Variants in TOP3B observed in about 807,000 individuals in gnomAD.
The protein encoded by TOP3B is DNA topoisomerase 3-beta-1.
TOP3B carries 45 observed loss-of-function variants against 93.9 expected under a neutral mutation model. That is an observed-to-expected ratio of 0.48 (90% confidence interval 0.38 to 0.61). TOP3B has a LOEUF of 0.61. Among genes scored for constraint, TOP3B ranks in the 20% least tolerant of loss-of-function variants. TOP3B has a pLI of 0.00. For synonymous variants in TOP3B, 357 were observed against 472.6 expected (o/e 0.76, Z 3.17); for missense variants, 750 against 1,156.1 (o/e 0.65, Z 5.09).
chr22:21,960,660 C>G, intron 13 of TOP3B: 1 of 647,932 alleles, frequency 1.5e-6, no homozygotes, highest in Non-Finnish European at 2.6e-6. Context: ...ACAAGGGCAG[C>G]CCTCCCTGTA....
At chr22:21,979,941 C>CAAAAAAA (rs57880095) in intron 1 of TOP3B, among the ~76,000 whole-genome samples, 1 of 53,438 alleles carries the variant, frequency 1.9e-5, no homozygotes, top group Non-Finnish European at 3.5e-5. Flanking sequence ...ACTCCATCTC[C>CAAAAAAA]AAAAAAAAAA....
intron 14 of TOP3B, 140 bp from the exon 15 acceptor site, chr22:21,959,876 A>G: frequency 9.5e-6 from 11 of 1,159,746 alleles, no homozygotes; most frequent in South Asian, 3.1e-5. Flanking sequence ...CCACCAGTCC[A>G]CAGCCTCAGA....
intron 1 of TOP3B, among the ~76,000 whole-genome samples, chr22:21,978,232 C>T (rs1053586199): frequency 1.3e-5 from 2 of 151,006 alleles, no homozygotes; most frequent in Admixed American, 1.3e-4. Context: ...CCTGGGATGG[C>T]GGGACATGGG....
chr22:21,971,651 G>A lies in TOP3B; in HGVS notation c.384+226C>T, dbSNP rs1187543621. The stretch of plus-strand genomic sequence containing the variant: ...GGCCCCTCCTATGTTCACTCATACC[G>A]TTGAGGCCTCAGCAAGCGGAGGAAC... On this transcript the variant is annotated intron_variant, in intron 5 of 17. Coordinates refer to ENST00000357179, the MANE Select transcript of TOP3B (RefSeq NM_001282112.2). This position sits in a 1 kb window ranked among gnomAD's most constrained non-coding sequence, Gnocchi z 4.6. The A allele has an allele frequency of 1.7e-6, 1 of 591,480 alleles. No individual in the cohort carries two copies. Among genetic ancestry groups the A allele is most frequent in the Non-Finnish European group, 3.1e-6 (1 of 322,558 alleles). 36.6% of individuals were successfully genotyped at this position (591,480 alleles called of 1,614,324 possible). A position where few individuals can be genotyped will look rare whatever the true frequency, so the allele number is the denominator to read the frequency against.
chr22:21,957,310 A>G lies in TOP3B; in HGVS notation c.2393T>C (p.Met798Thr). Residue 798 changes from methionine (M) to threonine (T), a missense_variant, in exon 18 of 18, where the codon ATG becomes ACG. This residue lies in a region of TOP3B where 13 missense variants were observed against 58.8 expected (regional missense o/e 0.22). Coordinates refer to ENST00000357179, the MANE Select transcript of TOP3B (RefSeq NM_001282112.2). ...SPLPGDETQH[M>T]GCVFCDPVFQ... Reference sequence around the variant, plus strand: ...GACGGGGTCACAAAAGACGCAGCCCATGTGCTGCGTCTCATCGCCCGGGAG... The same window carrying G: ...GACGGGGTCACAAAAGACGCAGCCCGTGTGCTGCGTCTCATCGCCCGGGAG... 1 of 1,611,226 alleles carries G rather than the reference A, an allele frequency of 6.2e-7. No individual in the cohort carries two copies.
At chr22:21,958,177 G>A (rs2071005570) in intron 17 of TOP3B, 23 of 1,273,794 alleles carry the variant, frequency 1.8e-5, no homozygotes, top group Non-Finnish European at 2.1e-5. Context: ...GGGGGTGCCC[G>A]CTCACCGGGT....
chr22:21,980,688 G>C (rs2084610908), intron 1 of TOP3B, among the ~76,000 whole-genome samples: 1 of 152,236 alleles, frequency 6.6e-6, no homozygotes, highest in South Asian at 2.1e-4. Flanking sequence ...AGCTCCAGCT[G>C]CATCTCCCAA....
chr22:21,962,703 G>A, intron 12 of TOP3B, 44 bp downstream of exon 12: 1 of 1,611,878 alleles, frequency 6.2e-7, no homozygotes. Flanking sequence ...ATGTTTGTCT[G>A]CCCATGAAGG....
At chr22:21,981,312 T>C (rs142359826) in intron 1 of TOP3B, among the ~76,000 whole-genome samples, 1 of 152,302 alleles carries the variant, frequency 6.6e-6, no homozygotes, top group Non-Finnish European at 1.5e-5. Flanking sequence ...AGAGCTCCAG[T>C]GGCTGGACTT....
rs751658554 is a variant in TOP3B at position 21,963,916 on chromosome 22, G to A, written c.1204+7C>T. On this transcript the variant is annotated splice_region_variant and intron_variant, in intron 11 of 17. Coordinates refer to ENST00000357179, the MANE Select transcript of TOP3B (RefSeq NM_001282112.2). This position sits in a 1 kb window ranked among gnomAD's most constrained non-coding sequence, Gnocchi z 4.8. ...GAAGCACACCGGGTATGGGATGAGA[G>A]CGGTACCTAATTCGGCCTCTGTGGC... 5.0e-6 allele frequency: 8 copies of A among 1,613,134 alleles called. No homozygotes were observed. Among genetic ancestry groups the A allele is most frequent in the Non-Finnish European group, 5.9e-6 (7 of 1,179,768 alleles).
rs2071297028 is a variant in TOP3B at position 21,963,834 on chromosome 22, C to T, written c.1204+89G>A. ...GGGCAGGCAGAGGCTGAAGGAGCCC[C>T]CACATTGCCAACAGGGCCTGCAACC... is the stretch of plus-strand genomic sequence containing the variant. On this transcript the variant is annotated intron_variant, in intron 11 of 17. Transcript: ENST00000357179. This position sits in a 1 kb window ranked among gnomAD's most constrained non-coding sequence, Gnocchi z 4.8. The T allele has an allele frequency of 1.4e-6, 2 of 1,395,546 alleles. No individual in the cohort carries two copies. The highest frequency in any genetic ancestry group is 1.4e-5 in the African/African-American group (1 of 70,506). The allele number at this position is 1,395,546 out of a possible 1,614,324, so 86.4% of individuals were successfully genotyped here.
At chr22:21,960,050 G>A (rs1368007716) in intron 14 of TOP3B, 1 of 622,282 alleles carries the variant, frequency 1.6e-6, no homozygotes, top group African/African-American at 1.8e-5. Context: ...TTGGCCCCTG[G>A]GGAACCTCCA....
At chr22:21,972,077 T>C in intron 4 of TOP3B, 126 bp from the exon 5 acceptor site, 1 of 725,952 alleles carries the variant, frequency 1.4e-6, no homozygotes, top group Non-Finnish European at 2.2e-6. Flanking sequence ...GACTGGTACC[T>C]GGGCTGGGTA....
intron 15 of TOP3B, 88 bp downstream of exon 15, chr22:21,959,499 C>A (rs1426596976): frequency 1.3e-6 from 2 of 1,522,274 alleles, no homozygotes; most frequent in Non-Finnish European, 1.8e-6. Flanking sequence ...GGGAGCTGGT[C>A]CCACGTGGGG....
Position 21,962,421 on chromosome 22 carries a change from G to A in TOP3B, c.1525+8C>T, listed in dbSNP as rs766406620. 7 of 1,613,082 alleles carry A rather than the reference G, an allele frequency of 4.3e-6. No individual in the cohort carries two copies. Among genetic ancestry groups the A allele is most frequent in the South Asian group, 2.2e-5 (2 of 91,074 alleles). On this transcript the variant is annotated splice_region_variant and intron_variant, in intron 13 of 17. Transcript: ENST00000357179. Reference sequence around the variant, plus strand: ...AGCCGGCTCTGGGGCCTGGGCAGGCGCACCCACCGATGCCATGCTTCTCCA... The same window carrying A: ...AGCCGGCTCTGGGGCCTGGGCAGGCACACCCACCGATGCCATGCTTCTCCA...
Position 21,971,768 on chromosome 22 carries a change from G to C in TOP3B, c.384+109C>G. On this transcript the variant is annotated intron_variant, in intron 5 of 17. Transcript: ENST00000357179. This position sits in a 1 kb window ranked among gnomAD's most constrained non-coding sequence, Gnocchi z 4.6. ...GGAGAGGTGTTTTTAAACCGGTACA[G>C]TTTACTCCCTCCTTTGGCCCCAGGA... 3 of 950,746 alleles carry C rather than the reference G, an allele frequency of 3.2e-6. No individual in the cohort carries two copies. Among genetic ancestry groups the C allele is most frequent in the Non-Finnish European group, 3.4e-6 (2 of 588,048 alleles). 58.9% of individuals were successfully genotyped at this position (950,746 alleles called of 1,614,324 possible).
At chr22:21,967,810 G>A in intron 7 of TOP3B, 94 bp from the exon 8 acceptor site, 1 of 959,590 alleles carries the variant, frequency 1.0e-6, no homozygotes, top group African/African-American at 1.6e-5. Context: ...GCTGGTCCTT[G>A]TCTGGGAGCC....
intron 9 of TOP3B, chr22:21,964,685 G>A: frequency 3.8e-6 from 1 of 263,450 alleles, no homozygotes; most frequent in Non-Finnish European, 7.4e-6. Context: ...CTCGGGGTTG[G>A]CTGACGACAG....
chr22:21,965,504 A>G lies in TOP3B; in HGVS notation c.853-129T>C. 8.2e-6 allele frequency: 4 copies of G among 486,252 alleles called. No individual in the cohort carries two copies. In the South Asian group the frequency reaches 1.6e-4, roughly 19 times the overall value. The allele number at this position is 486,252 out of a possible 1,614,324, so 30.1% of individuals were successfully genotyped here. On this transcript the variant is annotated intron_variant, in intron 8 of 17. Coordinates refer to ENST00000357179, the MANE Select transcript of TOP3B (RefSeq NM_001282112.2). ...CTGTTTCTCCAATTCATTCTTCCCA[A>G]CAGTCTAAAGACTTGATTGAATATT...
Sources: allele counts gnomAD v4.1 joint callset (sites outside exome capture counted in the v4.1 genomes callset), GRCh38; gene constraint gnomAD v4.1.1; regional missense constraint gnomAD v4.1.1; non-coding constraint Gnocchi (gnomAD v3.1); transcripts MANE v1.5; gene names NCBI Gene and HGNC (gene_info 2026-07-23, HGNC 2026-07-21).